PARD3B: variants seen among roughly 807,000 people sequenced by gnomAD.
PARD3B encodes par-3 family cell polarity regulator beta, also known as partitioning defective 3 homolog B.
In PARD3B, 103 loss-of-function variants were observed where a neutral mutation model predicts 130.2. The ratio of observed to expected loss-of-function variants is 0.79; its 90% CI spans 0.67 to 0.93. PARD3B has a LOEUF of 0.93. PARD3B is among the 40% of genes least tolerant of loss of function. The probability of loss-of-function intolerance (pLI) is 0.00; values close to 1 mark genes in which losing one functional copy is unlikely to be tolerated. For synonymous variants in PARD3B, 583 were observed against 553.2 expected (o/e 1.05, Z -0.76); for missense variants, 1,609 against 1,499.2 (o/e 1.07, Z -1.21).
intron 2 of PARD3B, among the ~76,000 whole-genome samples, chr2:204,951,702 G>T (rs1689787414): frequency 6.6e-6 from 1 of 152,176 alleles, no homozygotes; most frequent in South Asian, 2.1e-4. Context: ...GGGATTGTCA[G>T]AGCCAACTGG....
chr2:204,752,302 A>G (rs1334894068), intron 2 of PARD3B, among the ~76,000 whole-genome samples: 50 of 152,118 alleles, frequency 3.3e-4, no homozygotes. Flanking sequence ...AGGTATCTTA[A>G]GGTTATGATG....
At chr2:205,067,465 A>G (rs370699375) in intron 4 of PARD3B, among the ~76,000 whole-genome samples, 2 of 152,082 alleles carry the variant, frequency 1.3e-5, no homozygotes, top group African/African-American at 4.8e-5. Flanking sequence ...TACCCAGCCT[A>G]TAATTGTTTC....
At chr2:205,371,365 G>A (rs1559712089) in intron 18 of PARD3B, among the ~76,000 whole-genome samples, 1 of 152,110 alleles carries the variant, frequency 6.6e-6, no homozygotes, top group Non-Finnish European at 1.5e-5. Flanking sequence ...ACTTTCTCTG[G>A]TGGTGGAATT....
chr2:204,814,280 C>A (rs2043065281), intron 2 of PARD3B, among the ~76,000 whole-genome samples: 1 of 151,654 alleles, frequency 6.6e-6, no homozygotes, highest in Admixed American at 6.6e-5. Context: ...TAAAGAGATA[C>A]AATTGATTTT....
intron 20 of PARD3B, among the ~76,000 whole-genome samples, chr2:205,466,776 A>C (rs1298724334): frequency 1.3e-5 from 2 of 152,158 alleles, no homozygotes; most frequent in Non-Finnish European, 2.9e-5. Context: ...GCAGTGGCGC[A>C]ATCTCGGCTC....
intron 20 of PARD3B, among the ~76,000 whole-genome samples, chr2:205,471,263 T>C (rs1224992483): frequency 6.6e-6 from 1 of 152,118 alleles, no homozygotes; most frequent in African/African-American, 2.4e-5. Context: ...TTGATATATC[T>C]ATATGTCTTT....
At position 205,021,277 on chromosome 2, in the gene PARD3B, A is replaced by T. The variant is rs747632405; in HGVS notation, c.395-26304A>T. On this transcript the variant is annotated intron_variant, in intron 3 of 22. Transcript: ENST00000406610. The surrounding 1 kb of genome is among the most constrained non-coding windows in gnomAD (Gnocchi z 4.5). ...TCTCAATTTTAAAACTCCCTTGAGG[A>T]TTAGGAAACAGATTATAAGTAGCTA... Among the ~76,000 whole-genome samples the T allele has an allele frequency of 6.6e-6, 1 of 152,190 alleles. No individual in the cohort carries two copies. The highest frequency in any genetic ancestry group is 1.5e-5 in the Non-Finnish European group (1 of 68,034).
intron 16 of PARD3B, among the ~76,000 whole-genome samples, chr2:205,290,694 C>T (rs938796274): frequency 2.6e-5 from 4 of 152,156 alleles, no homozygotes; most frequent in Admixed American, 1.3e-4. Flanking sequence ...AAGATAGTGA[C>T]ACATTGCTAT....
chr2:205,404,368 C>A (rs1174510620), intron 19 of PARD3B, among the ~76,000 whole-genome samples: 2 of 152,124 alleles, frequency 1.3e-5, no homozygotes, highest in Non-Finnish European at 2.9e-5. Context: ...AGGTTATATG[C>A]AAATATTACT....
rs966228078 is a variant in PARD3B at position 205,021,970 on chromosome 2, A to G, written c.395-25611A>G. Among the ~76,000 whole-genome samples the G allele has an allele frequency of 6.6e-6, 1 of 152,112 alleles. No individual in the cohort carries two copies. Among genetic ancestry groups the G allele is most frequent in the East Asian group, 1.9e-4 (1 of 5,168 alleles). ...ATACTCCAAAAAATCCAATGCAAAA[A>G]CTCCAAAATATCAAAAGCTACCTTT... On this transcript the variant is annotated intron_variant, in intron 3 of 22. Transcript: ENST00000406610. The surrounding 1 kb of genome is among the most constrained non-coding windows in gnomAD (Gnocchi z 4.5).
intron 15 of PARD3B, among the ~76,000 whole-genome samples, chr2:205,215,831 C>T (rs1359112865): frequency 6.6e-6 from 1 of 151,596 alleles, no homozygotes; most frequent in African/African-American, 2.4e-5. Flanking sequence ...AAAAATTTTC[C>T]CTATAGTTAA....
chr2:204,657,505 TA>T (rs1411584404), intron 1 of PARD3B, among the ~76,000 whole-genome samples: 3 of 150,636 alleles, frequency 2.0e-5, no homozygotes, highest in South Asian at 2.1e-4. Flanking sequence ...AGACCCTGTC[TA>T]AAAAAAAAAT....
intron 16 of PARD3B, among the ~76,000 whole-genome samples, chr2:205,247,714 C>A (rs907284985): frequency 1.9e-4 from 29 of 152,140 alleles, no homozygotes; most frequent in Non-Finnish European, 3.2e-4. Flanking sequence ...AATAACCAGC[C>A]ACTTGATAAC....
intron 2 of PARD3B, among the ~76,000 whole-genome samples, chr2:204,885,659 T>G (rs1314524195): frequency 6.6e-6 from 1 of 152,226 alleles, no homozygotes; most frequent in Non-Finnish European, 1.5e-5. Flanking sequence ...AGATATTGAC[T>G]GTTAAAAAGG....
chr2:204,684,119 G>C (rs1240760291), intron 1 of PARD3B, among the ~76,000 whole-genome samples: 14 of 152,052 alleles, frequency 9.2e-5, no homozygotes, highest in Non-Finnish European at 1.9e-4. Context: ...TCTTCTCTCT[G>C]TGTTTCCACC....
rs775847642 is a variant in PARD3B at position 205,440,377 on chromosome 2, G to A, written c.2749G>A (p.Ala917Thr). The A allele has an allele frequency of 1.3e-5, 21 of 1,613,588 alleles. No homozygotes were observed. The highest frequency in any genetic ancestry group is 1.4e-5 in the Non-Finnish European group (17 of 1,179,732). The change falls in exon 20 of 23, where the codon GCA becomes ACA. Residue 917 changes from alanine (A) to threonine (T), a missense_variant. Transcript: ENST00000406610. The surrounding 1 kb of genome is among the most constrained non-coding windows in gnomAD (Gnocchi z 4.2). ...KMKEERERIG[A>T]KHQELREKQA... The stretch of plus-strand genomic sequence containing the variant: ...CTGTACTGTATTTTTCAGGATTGGA[G>A]CAAAACATCAGGAGCTAAGGGAAAA...
In PARD3B at chr2:204,890,535, T is replaced by G. The variant is rs945146537; in HGVS notation, c.223-74617T>G. On this transcript the variant is annotated intron_variant, in intron 2 of 22. Transcript: ENST00000406610. This position sits in a 1 kb window ranked among gnomAD's most constrained non-coding sequence, Gnocchi z 4.9. ...TTAAAGGAACAGTATGTTAATGGAT[T>G]TTCCTTGTTTTGGGTACCATCATTG... is the stretch of plus-strand genomic sequence containing the variant. Among the ~76,000 whole-genome samples the G allele has an allele frequency of 3.9e-5, 6 of 152,202 alleles. No homozygotes were observed. The highest frequency in any genetic ancestry group is 6.5e-5 in the Admixed American group (1 of 15,286).
chr2:204,849,171 A>G (rs2044599656), intron 2 of PARD3B, among the ~76,000 whole-genome samples: 1 of 152,126 alleles, frequency 6.6e-6, no homozygotes, highest in South Asian at 2.1e-4. Context: ...TTAAGAGTCA[A>G]ATTTGGGGTC....
In PARD3B at chr2:205,453,529, T is replaced by C. The variant is rs571944503; in HGVS notation, c.3044+12857T>C. ...AGAAATCCTGTGGAGTAGGAATCTA[T>C]TTCACCGATGAAAAACTAGAGGCTC... On this transcript the variant is annotated intron_variant, in intron 20 of 22. Transcript: ENST00000406610. Among the ~76,000 whole-genome samples, 102 of 152,292 alleles carry C rather than the reference T, an allele frequency of 6.7e-4. No individual in the cohort carries two copies. In the Middle Eastern group the frequency reaches 0.014, roughly 20 times the overall value.
Sources: gnomAD v4.1 joint callset for allele counts (sites outside exome capture counted in the v4.1 genomes callset) on GRCh38, gnomAD v4.1.1 for gene constraint, Gnocchi (gnomAD v3.1) non-coding constraint, MANE v1.5 for transcripts, NCBI Gene and HGNC (gene_info 2026-07-23, HGNC 2026-07-21) for gene names.